The following CLASP1 variants were observed in gnomAD, a reference collection of about 807,000 sequenced individuals.
CLASP1 encodes CLIP-associating protein 1.
Under a neutral mutation model 192.3 loss-of-function variants are expected in CLASP1, and 38 were observed. That is an observed-to-expected ratio of 0.20 (90% CI 0.15 to 0.26). The LOEUF (loss-of-function observed/expected upper bound fraction) is 0.26. CLASP1 is among the 10% of genes least tolerant of loss of function. The pLI is 1.00. For missense variants in CLASP1, 1,433 were observed against 1,932.5 expected (o/e 0.74, Z 4.85); for synonymous variants, 691 against 712.8 (o/e 0.97, Z 0.49).
chr2:121,464,674 A>ACC (rs2089102557), intron 9 of CLASP1, among the ~76,000 whole-genome samples: 1 of 151,798 alleles, frequency 6.6e-6, no homozygotes, highest in Non-Finnish European at 1.5e-5. Context: ...CATGTCCTTC[A>ACC]CCCACTTTTT....
At chr2:121,390,230 T>C (rs1332437436) in intron 30 of CLASP1, among the ~76,000 whole-genome samples, 1 of 152,196 alleles carries the variant, frequency 6.6e-6, no homozygotes, top group Non-Finnish European at 1.5e-5. Context: ...TAATTCCAGA[T>C]ATGGAACTGG....
At chr2:121,350,144 G>C (rs1307912671) in intron 37 of CLASP1, among the ~76,000 whole-genome samples, 2 of 152,184 alleles carry the variant, frequency 1.3e-5, no homozygotes, top group African/African-American at 4.8e-5. Flanking sequence ...GCCCTGACTG[G>C]GCTAGTCATT....
At chr2:121,382,750 C>T (rs938639197) in intron 32 of CLASP1, among the ~76,000 whole-genome samples, 1 of 152,162 alleles carries the variant, frequency 6.6e-6, no homozygotes, top group East Asian at 1.9e-4. Context: ...AATCATGGGG[C>T]CTTAATTCAA....
intron 2 of CLASP1, among the ~76,000 whole-genome samples, chr2:121,573,961 G>C (rs1318437652): frequency 6.6e-6 from 1 of 152,136 alleles, no homozygotes; most frequent in African/African-American, 2.4e-5. Flanking sequence ...TGGTTACCAG[G>C]GTGCCTGGGG....
Position 121,347,226 on chromosome 2 carries a change from C to T in CLASP1, c.4414-72G>A, listed in dbSNP as rs187535599. The T allele has an allele frequency of 9.0e-5, 93 of 1,038,550 alleles. No individual in the cohort carries two copies. The Middle Eastern group carries it at 1.4e-3, about 15-fold the overall frequency. 64.3% of individuals were successfully genotyped at this position (1,038,550 alleles called of 1,614,324 possible). On this transcript the variant is annotated intron_variant, in intron 38 of 39. Transcript: ENST00000263710. Reference sequence around the variant, plus strand: ...CATTCCATAGCCAACATCTCATCAACGTTTCCACAAATGCCCTCAGAGTTC... The same window carrying T: ...CATTCCATAGCCAACATCTCATCAATGTTTCCACAAATGCCCTCAGAGTTC...
At chr2:121,535,900 G>C (rs971297633) in intron 2 of CLASP1, among the ~76,000 whole-genome samples, 9 of 151,838 alleles carry the variant, frequency 5.9e-5, no homozygotes, top group Non-Finnish European at 1.0e-4. Flanking sequence ...GGACTCAAGC[G>C]ATCCGACTGT....
intron 32 of CLASP1, 102 bp from the exon 34 acceptor site, chr2:121,382,426 C>G (rs2071931455): frequency 2.9e-6 from 2 of 696,506 alleles, no homozygotes; most frequent in Non-Finnish European, 4.7e-6. Flanking sequence ...CTCTTCTTTC[C>G]TTGACAAAGT....
At chr2:121,388,613 C>T (rs561839292) in intron 30 of CLASP1, among the ~76,000 whole-genome samples, 5 of 152,246 alleles carry the variant, frequency 3.3e-5, no homozygotes, top group African/African-American at 7.2e-5. Flanking sequence ...CAATGAGGCT[C>T]GGGCTTCTAG....
At chr2:121,563,026 G>A (rs1336789109) in intron 2 of CLASP1, among the ~76,000 whole-genome samples, 1 of 152,130 alleles carries the variant, frequency 6.6e-6, no homozygotes, top group Non-Finnish European at 1.5e-5. Flanking sequence ...TGGGGTTGGG[G>A]ATGGGCAATG....
intron 2 of CLASP1, among the ~76,000 whole-genome samples, chr2:121,587,393 C>T (rs928889025): frequency 1.3e-5 from 2 of 152,300 alleles, no homozygotes; most frequent in African/African-American, 4.8e-5. Context: ...CTTTCCCTTT[C>T]CTAATCCCCC....
chr2:121,589,664 C>T (rs1221060445), intron 2 of CLASP1, among the ~76,000 whole-genome samples: 1 of 147,958 alleles, frequency 6.8e-6, no homozygotes, highest in East Asian at 2.0e-4. Context: ...TATTATTTAA[C>T]AGTATTATTT....
Position 121,507,630 on chromosome 2 carries a change from TA to T in CLASP1, c.645-4397del, listed in dbSNP as rs1181970847. Among the ~76,000 whole-genome samples the T allele has an allele frequency of 2.0e-5, 3 of 152,158 alleles. 1 individual carries two copies. The highest frequency in any genetic ancestry group is 4.4e-5 in the Non-Finnish European group (3 of 68,038). ...AAAAAGATATATGAAGAATAATGGC[TA>T]AAAACTTCACAAATTTGATATAAAA... On this transcript the variant is annotated intron_variant, in intron 7 of 39. Coordinates refer to ENST00000263710, the Ensembl canonical transcript of CLASP1.
At chr2:121,532,159 A>C (rs1326111270) in intron 2 of CLASP1, among the ~76,000 whole-genome samples, 1 of 152,250 alleles carries the variant, frequency 6.6e-6, no homozygotes, top group African/African-American at 2.4e-5. Context: ...AAACTGAAGG[A>C]ATCTAAATTG....
At chr2:121,447,265 T>C in intron 19 of CLASP1, 72 bp downstream of exon 19, 1 of 1,360,526 alleles carries the variant, frequency 7.4e-7, no homozygotes, top group Non-Finnish European at 1.0e-6. Context: ...TGGGTTTGTA[T>C]TTTGCTAAGA....
intron 30 of CLASP1, among the ~76,000 whole-genome samples, chr2:121,390,298 A>G (rs2074114688): frequency 6.6e-6 from 1 of 152,202 alleles, no homozygotes; most frequent in South Asian, 2.1e-4. Flanking sequence ...AGTGACTCAA[A>G]AAGTGGAGTA....
At chr2:121,465,007 A>T (rs2089210644) in intron 9 of CLASP1, among the ~76,000 whole-genome samples, 1 of 152,144 alleles carries the variant, frequency 6.6e-6, no homozygotes, top group African/African-American at 2.4e-5. Flanking sequence ...TTAGGTATTG[A>T]TGGGACGTAT....
chr2:121,545,597 G>C (rs1246629523), intron 2 of CLASP1, among the ~76,000 whole-genome samples: 1 of 151,942 alleles, frequency 6.6e-6, no homozygotes, highest in Non-Finnish European at 1.5e-5. Context: ...TGTTTCCTTG[G>C]GCATCGTTGA....
intron 5 of CLASP1, among the ~76,000 whole-genome samples, chr2:121,526,549 A>C (rs923958956): frequency 1.6e-4 from 25 of 152,350 alleles, no homozygotes; most frequent in African/African-American, 6.0e-4. Flanking sequence ...CTGTGATCAA[A>C]GGCTAGAAGT....
intron 2 of CLASP1, among the ~76,000 whole-genome samples, chr2:121,597,653 T>C (rs2063294624): frequency 6.6e-6 from 1 of 152,224 alleles, no homozygotes; most frequent in South Asian, 2.1e-4. Flanking sequence ...CACTAGGCTT[T>C]CAGAGTGCTT....
Sources: allele counts gnomAD v4.1 joint callset (sites outside exome capture counted in the v4.1 genomes callset), GRCh38; gene constraint gnomAD v4.1.1; transcripts MANE v1.5; gene names NCBI Gene and HGNC (gene_info 2026-07-23, HGNC 2026-07-21).